CACNA2D1: variants seen among roughly 807,000 people sequenced by gnomAD.
CACNA2D1 encodes calcium voltage-gated channel auxiliary subunit alpha2delta 1, also known as voltage-dependent calcium channel subunit alpha-2/delta-1.
Under a neutral mutation model 171.5 loss-of-function variants are expected in CACNA2D1, and 53 were observed. The observed-to-expected ratio is 0.31, with a 90% CI of 0.25 to 0.39. The LOEUF is 0.39. Among genes scored for constraint, CACNA2D1 ranks in the 10% least tolerant of loss-of-function variants. CACNA2D1 has a pLI of 1.00. For synonymous variants in CACNA2D1, 442 were observed against 443.1 expected (o/e 1.00, Z 0.03); for missense variants, 903 against 1,299.8 (o/e 0.69, Z 4.69).
At position 82,141,374 on chromosome 7, in the gene CACNA2D1, TA is replaced by T. The variant is rs200737493; in HGVS notation, c.355-4699del. ...TAATAGAAAATTAGGGGAGGAAATTTAAAAAAAAAAATGAAGTTAAATGCCT... is the reference window on the plus strand; with the variant it reads ...TAATAGAAAATTAGGGGAGGAAATTTAAAAAAAAAATGAAGTTAAATGCCT... On this transcript the variant is annotated intron_variant, in intron 4 of 38. Transcript: ENST00000356860. 1.4e-3 allele frequency among the ~76,000 whole-genome samples: 207 copies of T among 148,950 alleles called. 1 individual carries two copies. Among genetic ancestry groups the T allele is most frequent in the African/African-American group, 3.2e-3 (130 of 40,836 alleles).
chr7:82,231,593 T>C (rs139801319), intron 3 of CACNA2D1, among the ~76,000 whole-genome samples: 1,629 of 152,182 alleles, frequency 0.011, 21 homozygotes, highest in Middle Eastern at 0.041. Flanking sequence ...AAAAATCACA[T>C]TGTATAGTAA....
At chr7:82,270,304 AT>A (rs1248259804) in intron 3 of CACNA2D1, among the ~76,000 whole-genome samples, 1 of 152,138 alleles carries the variant, frequency 6.6e-6, no homozygotes, top group Non-Finnish European at 1.5e-5. Flanking sequence ...GTTTTGGCTA[AT>A]TTACTTACCC....
chr7:82,046,359 G>A (rs548386311), intron 10 of CACNA2D1, among the ~76,000 whole-genome samples: 35 of 152,170 alleles, frequency 2.3e-4, no homozygotes, highest in Non-Finnish European at 3.7e-4. Context: ...CACTCATGGA[G>A]TTGGCCACTC....
intron 3 of CACNA2D1, among the ~76,000 whole-genome samples, chr7:82,238,030 CCCT>C (rs1803817768): frequency 6.6e-6 from 1 of 151,874 alleles, no homozygotes; most frequent in African/African-American, 2.4e-5. Flanking sequence ...CAATTTCATC[CCCT>C]CAACATCTTA....
intron 3 of CACNA2D1, among the ~76,000 whole-genome samples, chr7:82,326,965 A>T (rs912693431): frequency 1.3e-5 from 2 of 152,230 alleles, no homozygotes; most frequent in Non-Finnish European, 2.9e-5. Flanking sequence ...GTGCAAAAGT[A>T]ATTGCAGTTT....
intron 2 of CACNA2D1, among the ~76,000 whole-genome samples, chr7:82,339,143 A>T (rs2129444745): frequency 6.6e-6 from 1 of 152,350 alleles, no homozygotes; most frequent in Admixed American, 6.5e-5. Flanking sequence ...ATAGAAAAAG[A>T]GTTAGAACTT....
At chr7:82,265,920 C>A (rs38565) in intron 3 of CACNA2D1, among the ~76,000 whole-genome samples, 46,930 of 151,830 alleles carry the variant, frequency 0.31, 7,802 homozygotes, top group Middle Eastern at 0.42. Flanking sequence ...AATAAAGAAC[C>A]TATATTTTTG....
chr7:82,290,830 A>G (rs926827995), intron 3 of CACNA2D1, among the ~76,000 whole-genome samples: 1 of 151,868 alleles, frequency 6.6e-6, no homozygotes, highest in African/African-American at 2.4e-5. Context: ...TCCCGACCTC[A>G]GGTGATCCAC....
In CACNA2D1 at chr7:82,443,348, C is replaced by A. The variant is rs773632215; in HGVS notation, c.95+17G>T. The A allele has an allele frequency of 1.9e-6, 3 of 1,598,264 alleles. No individual in the cohort carries two copies. The highest frequency in any genetic ancestry group is 3.3e-4 in the Middle Eastern group (2 of 6,000). On this transcript the variant is annotated intron_variant, in intron 1 of 38. Coordinates refer to ENST00000356860, the MANE Select transcript of CACNA2D1 (RefSeq NM_000722.4). ...GCGCCCCTCGGCCGGCGCTCCCTGCCCGGCCCGCCGACTTACGTGACGGCC... is the reference window on the plus strand; with the variant it reads ...GCGCCCCTCGGCCGGCGCTCCCTGCACGGCCCGCCGACTTACGTGACGGCC...
At chr7:81,996,669 T>A (rs1798079697) in intron 19 of CACNA2D1, among the ~76,000 whole-genome samples, 1 of 150,678 alleles carries the variant, frequency 6.6e-6, no homozygotes, top group African/African-American at 2.4e-5. Flanking sequence ...ATTTCTAATA[T>A]TTTTATTATT....
intron 5 of CACNA2D1, among the ~76,000 whole-genome samples, chr7:82,121,971 T>A (rs1464630584): frequency 2.0e-5 from 3 of 152,152 alleles, no homozygotes; most frequent in Admixed American, 6.6e-5. Flanking sequence ...AGTAAATTTA[T>A]AACATCAGTG....
chr7:82,238,012 T>C (rs1803814580), intron 3 of CACNA2D1, among the ~76,000 whole-genome samples: 2 of 151,992 alleles, frequency 1.3e-5, no homozygotes, highest in African/African-American at 4.8e-5. Flanking sequence ...CTCATATATA[T>C]TACAATCCAA....
intron 2 of CACNA2D1, among the ~76,000 whole-genome samples, chr7:82,342,565 A>G (rs1227564023): frequency 6.6e-6 from 1 of 152,244 alleles, no homozygotes; most frequent in African/African-American, 2.4e-5. Flanking sequence ...CAACACCGAT[A>G]CAATAATTAA....
intron 1 of CACNA2D1, among the ~76,000 whole-genome samples, chr7:82,398,574 TC>T (rs1299286861): frequency 1.4e-5 from 2 of 145,980 alleles, no homozygotes; most frequent in East Asian, 4.8e-4. Flanking sequence ...CAGTTTCTTT[TC>T]TTTCTCCTTT....
intron 3 of CACNA2D1, among the ~76,000 whole-genome samples, chr7:82,308,954 T>C (rs910967771): frequency 1.3e-5 from 2 of 152,162 alleles, no homozygotes; most frequent in South Asian, 4.1e-4. Flanking sequence ...CTAAATCGGG[T>C]GGAGAAGGGC....
chr7:82,224,586 A>G (rs1445747843), intron 3 of CACNA2D1, among the ~76,000 whole-genome samples: 1 of 152,170 alleles, frequency 6.6e-6, no homozygotes, highest in Non-Finnish European at 1.5e-5. Flanking sequence ...CGACTCGAAA[A>G]AAAAAGAAAA....
chr7:82,117,227 T>C, intron 5 of CACNA2D1, 54 bp from the exon 6 acceptor site: 7 of 1,549,404 alleles, frequency 4.5e-6, no homozygotes, highest in Non-Finnish European at 6.2e-6. Context: ...CATAAATATT[T>C]TCACATGCAC....
intron 24 of CACNA2D1, among the ~76,000 whole-genome samples, chr7:81,978,099 G>A (rs1472923945): frequency 1.3e-5 from 2 of 152,186 alleles, no homozygotes; most frequent in Non-Finnish European, 2.9e-5. Flanking sequence ...AGATGCTGGA[G>A]AGGATGTGGT....
At chr7:82,347,684 T>C (rs940394463) in intron 2 of CACNA2D1, among the ~76,000 whole-genome samples, 4 of 152,176 alleles carry the variant, frequency 2.6e-5, no homozygotes, top group Non-Finnish European at 5.9e-5. Context: ...TTTCCAATAA[T>C]GAATTCTGCT....
Sources: allele counts gnomAD v4.1 joint callset (sites outside exome capture counted in the v4.1 genomes callset), GRCh38; gene constraint gnomAD v4.1.1; transcripts MANE v1.5; gene names NCBI Gene and HGNC (gene_info 2026-07-23, HGNC 2026-07-21).